Variants in GRID2 observed in about 807,000 individuals in gnomAD.
GRID2 encodes the protein glutamate receptor ionotropic, delta-2.
A neutral mutation model predicts 114.8 loss-of-function variants in GRID2; 33 were observed. That is an observed-to-expected ratio of 0.29 (90% CI 0.22 to 0.38). The LOEUF (loss-of-function observed/expected upper bound fraction) is 0.38, where lower values mean the gene tolerates loss of function less well. Among genes scored for constraint, GRID2 ranks in the 10% least tolerant of loss-of-function variants. The pLI is 1.00. For synonymous variants in GRID2, 505 were observed against 449.9 expected, an observed-to-expected ratio of 1.12 and a Z score of -1.55; for missense variants, 1,184 against 1,257.7, an observed-to-expected ratio of 0.94 and a Z score of 0.89.
At chr4:93,345,988 G>A (rs953289914) in intron 8 of GRID2, among the ~76,000 whole-genome samples, 1 of 151,862 alleles carries the variant, frequency 6.6e-6, no homozygotes, top group African/African-American at 2.4e-5. Flanking sequence ...TATTTCTTCT[G>A]ACCCCTTAGT....
At chr4:92,488,241 G>T (rs999918387) in intron 1 of GRID2, among the ~76,000 whole-genome samples, 1 of 152,100 alleles carries the variant, frequency 6.6e-6, no homozygotes, top group Non-Finnish European at 1.5e-5. Flanking sequence ...AGAGGACACC[G>T]GTTCTGACAA....
chr4:92,644,302 C>T (rs1331131125), intron 2 of GRID2, among the ~76,000 whole-genome samples: 1 of 151,616 alleles, frequency 6.6e-6, no homozygotes, highest in Non-Finnish European at 1.5e-5. Flanking sequence ...TTTATGCATA[C>T]ATATTTCAAT....
At chr4:93,271,475 C>T (rs1751449281) in intron 8 of GRID2, among the ~76,000 whole-genome samples, 1 of 152,082 alleles carries the variant, frequency 6.6e-6, no homozygotes, top group Non-Finnish European at 1.5e-5. Context: ...TAGTCATGGC[C>T]TGATAATGAG....
intron 4 of GRID2, among the ~76,000 whole-genome samples, chr4:93,128,802 G>A (rs542874339): frequency 6.6e-6 from 1 of 152,266 alleles, no homozygotes; most frequent in African/African-American, 2.4e-5. Context: ...TGAGCTTAGA[G>A]TTGCTACAAA....
At chr4:93,039,306 C>T (rs527312030) in intron 2 of GRID2, among the ~76,000 whole-genome samples, 146 of 127,866 alleles carry the variant, frequency 1.1e-3, no homozygotes, top group African/African-American at 3.8e-3. Context: ...CATCACACAG[C>T]GGGGCCTGTC....
chr4:92,917,130 A>G (rs1414494631), intron 2 of GRID2, among the ~76,000 whole-genome samples: 1 of 151,974 alleles, frequency 6.6e-6, no homozygotes, highest in Non-Finnish European at 1.5e-5. Flanking sequence ...GCATTTTTTC[A>G]TGTGTCTTTT....
intron 2 of GRID2, among the ~76,000 whole-genome samples, chr4:92,751,359 T>C (rs2149338954): frequency 6.6e-6 from 1 of 152,322 alleles, no homozygotes; most frequent in Non-Finnish European, 1.5e-5. Flanking sequence ...ATTTGTCAGC[T>C]ATAAGGCAAT....
chr4:92,946,497 C>T (rs550868854), intron 2 of GRID2, among the ~76,000 whole-genome samples: 13 of 152,016 alleles, frequency 8.6e-5, no homozygotes, highest in Middle Eastern at 3.2e-3. Flanking sequence ...TTCTTCCCCC[C>T]CAAAATTATA....
At chr4:93,348,540 T>C (rs911036127) in intron 8 of GRID2, among the ~76,000 whole-genome samples, 2 of 152,182 alleles carry the variant, frequency 1.3e-5, no homozygotes, top group Non-Finnish European at 2.9e-5. Flanking sequence ...CTCATGGCCT[T>C]CACCTATGCT....
chr4:93,272,854 T>C (rs1444045566), intron 8 of GRID2, among the ~76,000 whole-genome samples: 1 of 152,174 alleles, frequency 6.6e-6, no homozygotes, highest in African/African-American at 2.4e-5. Context: ...GGTCTCATAC[T>C]GCATTTCCTT....
intron 14 of GRID2, among the ~76,000 whole-genome samples, chr4:93,732,954 T>G (rs1264433022): frequency 6.6e-6 from 1 of 151,288 alleles, no homozygotes; most frequent in Non-Finnish European, 1.5e-5. Context: ...CTACAAATAA[T>G]AAAAGAGAAA....
intron 13 of GRID2, among the ~76,000 whole-genome samples, chr4:93,558,161 C>G (rs911722536): frequency 1.3e-5 from 2 of 152,032 alleles, no homozygotes; most frequent in Non-Finnish European, 2.9e-5. Flanking sequence ...GACGCCCTAA[C>G]AATGAAATTA....
intron 1 of GRID2, among the ~76,000 whole-genome samples, chr4:92,345,697 C>T (rs570280024): frequency 9.2e-5 from 14 of 152,192 alleles, no homozygotes; most frequent in Middle Eastern, 3.4e-3. Context: ...TTATCTATAA[C>T]GATTTCCTGC....
chr4:92,374,030 G>GC (rs544239163), intron 1 of GRID2, among the ~76,000 whole-genome samples: 72 of 151,718 alleles, frequency 4.7e-4, no homozygotes, highest in South Asian at 4.2e-3. Flanking sequence ...AAAATTCAAA[G>GC]CCCCCCCGCC....
At chr4:92,886,719 A>G (rs547530651) in intron 2 of GRID2, among the ~76,000 whole-genome samples, 106 of 152,200 alleles carry the variant, frequency 7.0e-4, no homozygotes, top group Non-Finnish European at 1.4e-3. Flanking sequence ...TCTGCCTCCC[A>G]GGTTCATGCC....
At chr4:92,769,597 A>G (rs962804723) in intron 2 of GRID2, among the ~76,000 whole-genome samples, 1 of 152,104 alleles carries the variant, frequency 6.6e-6, no homozygotes, top group Admixed American at 6.6e-5. Flanking sequence ...AGGCATTTCC[A>G]TACATCCTCT....
intron 2 of GRID2, among the ~76,000 whole-genome samples, chr4:92,747,100 T>A (rs576008778): frequency 6.6e-6 from 1 of 152,210 alleles, no homozygotes; most frequent in Non-Finnish European, 1.5e-5. Flanking sequence ...TATGAAAAGC[T>A]TAAGTTATCT....
intron 15 of GRID2, among the ~76,000 whole-genome samples, chr4:93,771,665 T>C (rs1734119689): frequency 6.6e-6 from 1 of 152,082 alleles, no homozygotes; most frequent in Admixed American, 6.6e-5. Flanking sequence ...GAACAAAAAT[T>C]TAACTTGGAA....
At chr4:92,826,829 TA>T (rs1741738950) in intron 2 of GRID2, among the ~76,000 whole-genome samples, 1 of 152,116 alleles carries the variant, frequency 6.6e-6, no homozygotes, top group East Asian at 1.9e-4. Flanking sequence ...TAGAAAGACT[TA>T]GGCAATCTGA....
Sources: allele counts gnomAD v4.1 joint callset (sites outside exome capture counted in the v4.1 genomes callset), GRCh38; gene constraint gnomAD v4.1.1; transcripts MANE v1.5; gene names NCBI Gene and HGNC (gene_info 2026-07-23, HGNC 2026-07-21).